LRP1B: variants seen among roughly 807,000 people sequenced by gnomAD.
The protein encoded by LRP1B is LDL receptor related protein 1B.
LRP1B carries 217 observed loss-of-function variants against 556.6 expected under a neutral mutation model. That is an observed-to-expected ratio of 0.39 (90% CI 0.35 to 0.44). LRP1B has a LOEUF of 0.44. Among genes scored for constraint, LRP1B ranks in the 20% least tolerant of loss-of-function variants. The pLI is 1.00. For missense variants in LRP1B, 5,053 were observed against 5,620.8 expected, an observed-to-expected ratio of 0.90 and a Z score of 3.23; for synonymous variants, 2,047 against 1,865.8, an observed-to-expected ratio of 1.10 and a Z score of -2.50.
At chr2:141,242,799 T>C (rs1310094932) in intron 5 of LRP1B, among the ~76,000 whole-genome samples, 1 of 152,112 alleles carries the variant, frequency 6.6e-6, no homozygotes, top group African/African-American at 2.4e-5. Context: ...AGTGCCTGCC[T>C]TCAGTGAGTG....
intron 2 of LRP1B, among the ~76,000 whole-genome samples, chr2:141,612,636 G>A (rs1688145504): frequency 1.3e-5 from 2 of 152,196 alleles, no homozygotes; most frequent in African/African-American, 4.8e-5. Context: ...GGTAATGTGT[G>A]ATATGTAAAA....
intron 47 of LRP1B, among the ~76,000 whole-genome samples, chr2:140,527,492 G>C (rs1488624426): frequency 1.3e-5 from 2 of 151,658 alleles, no homozygotes; most frequent in Non-Finnish European, 1.5e-5. Flanking sequence ...CATAATGTAT[G>C]GTTCTTATTA....
intron 2 of LRP1B, among the ~76,000 whole-genome samples, chr2:141,616,921 A>C (rs975113799): frequency 6.6e-6 from 1 of 152,152 alleles, no homozygotes; most frequent in Non-Finnish European, 1.5e-5. Flanking sequence ...CCTCCTCTTC[A>C]GTACCTACAA....
intron 6 of LRP1B, among the ~76,000 whole-genome samples, chr2:141,195,559 C>T (rs111623242): frequency 6.6e-5 from 10 of 152,238 alleles, no homozygotes; most frequent in African/African-American, 2.2e-4. Flanking sequence ...CTTCCCAGCT[C>T]TTGGCTATCA....
At chr2:141,567,899 T>G (rs1005863697) in intron 2 of LRP1B, among the ~76,000 whole-genome samples, 2 of 150,170 alleles carry the variant, frequency 1.3e-5, no homozygotes, top group African/African-American at 4.8e-5. Flanking sequence ...TCTCTTCTTC[T>G]GTTGTAGATT....
At chr2:140,687,167 G>A (rs1686078725) in intron 41 of LRP1B, among the ~76,000 whole-genome samples, 1 of 151,996 alleles carries the variant, frequency 6.6e-6, no homozygotes, top group African/African-American at 2.4e-5. Context: ...TGAGAGAAGA[G>A]GAAAAGTAGA....
intron 3 of LRP1B, among the ~76,000 whole-genome samples, chr2:141,338,198 T>C (rs1687917460): frequency 6.6e-6 from 1 of 152,180 alleles, no homozygotes; most frequent in African/African-American, 2.4e-5. Context: ...ACCCAACCTC[T>C]TGGGACCTAA....
intron 2 of LRP1B, among the ~76,000 whole-genome samples, chr2:141,536,020 T>G (rs1685059016): frequency 6.6e-6 from 1 of 152,120 alleles, no homozygotes; most frequent in Non-Finnish European, 1.5e-5. Context: ...AAAAATAGAA[T>G]GCTCAATGTA....
intron 1 of LRP1B, among the ~76,000 whole-genome samples, chr2:141,848,315 G>T (rs192123564): frequency 4.6e-5 from 7 of 151,656 alleles, no homozygotes; most frequent in African/African-American, 1.7e-4. Flanking sequence ...CTGAGTGAGA[G>T]TGAAGGGAGG....
intron 2 of LRP1B, among the ~76,000 whole-genome samples, chr2:141,572,823 A>C (rs2105265861): frequency 6.6e-6 from 1 of 152,334 alleles, no homozygotes; most frequent in East Asian, 1.9e-4. Flanking sequence ...CTGACTTTAA[A>C]CCAATAAAGA....
At chr2:140,837,543 T>C (rs1464466083) in intron 31 of LRP1B, among the ~76,000 whole-genome samples, 2 of 152,314 alleles carry the variant, frequency 1.3e-5, no homozygotes, top group East Asian at 3.9e-4. Flanking sequence ...AATTTTCAAA[T>C]ATAATTACTG....
chr2:140,852,890 A>G (rs1311256765), intron 27 of LRP1B, among the ~76,000 whole-genome samples: 1 of 151,788 alleles, frequency 6.6e-6, no homozygotes, highest in African/African-American at 2.4e-5. Context: ...TCTTATTTTT[A>G]TAGAACCTAT....
chr2:141,226,033 A>C (rs1683231666), intron 6 of LRP1B, among the ~76,000 whole-genome samples: 1 of 152,164 alleles, frequency 6.6e-6, no homozygotes, highest in Admixed American at 6.6e-5. Context: ...AGCGGTATTT[A>C]GAAAAAGCTA....
chr2:142,080,196 C>T (rs16848074), intron 1 of LRP1B, among the ~76,000 whole-genome samples: 31,555 of 152,056 alleles, frequency 0.21, 3,501 homozygotes, highest in Middle Eastern at 0.43. Flanking sequence ...ACTGCTGCTA[C>T]ATGTCTTCCA....
At chr2:141,201,300 C>T (rs939357333) in intron 6 of LRP1B, among the ~76,000 whole-genome samples, 3 of 152,112 alleles carry the variant, frequency 2.0e-5, no homozygotes, top group Admixed American at 6.6e-5. Context: ...ACTACCACAT[C>T]CACTTATGCG....
chr2:141,163,964 A>T (rs2105120013), intron 7 of LRP1B, among the ~76,000 whole-genome samples: 1 of 152,244 alleles, frequency 6.6e-6, no homozygotes, highest in African/African-American at 2.4e-5. Context: ...ACATTATATT[A>T]CTATTTCTGT....
chr2:141,607,715 G>A (rs1309766780), intron 2 of LRP1B, among the ~76,000 whole-genome samples: 1 of 151,740 alleles, frequency 6.6e-6, no homozygotes, highest in Admixed American at 6.6e-5. Context: ...TTGAGTTCAG[G>A]AGTTCGAGAT....
intron 1 of LRP1B, among the ~76,000 whole-genome samples, chr2:141,858,218 C>T (rs1171613527): frequency 1.3e-5 from 2 of 152,058 alleles, no homozygotes; most frequent in African/African-American, 4.8e-5. Flanking sequence ...TTACTAATTG[C>T]CATTTACTCC....
intron 2 of LRP1B, among the ~76,000 whole-genome samples, chr2:141,615,837 G>A (rs1029972835): frequency 2.6e-5 from 4 of 152,128 alleles, no homozygotes; most frequent in African/African-American, 9.7e-5. Flanking sequence ...ATAAGATTTG[G>A]TAATAGCTGG....
Sources: allele counts gnomAD v4.1 joint callset (sites outside exome capture counted in the v4.1 genomes callset), GRCh38; gene constraint gnomAD v4.1.1; transcripts MANE v1.5; gene names NCBI Gene and HGNC (gene_info 2026-07-23, HGNC 2026-07-21).